TRHDE: variants seen among roughly 807,000 people sequenced by gnomAD.
TRHDE encodes the protein thyrotropin-releasing hormone-degrading ectoenzyme.
TRHDE carries 72 observed loss-of-function variants against 125.7 expected under a neutral mutation model. The observed-to-expected ratio is 0.57, with a 90% CI of 0.47 to 0.70. TRHDE has a LOEUF of 0.70. Ranked by LOEUF, TRHDE falls within the 30% of genes least tolerant of loss-of-function variation. The pLI is 0.00. For missense variants in TRHDE, 1,110 were observed against 1,327.1 expected (o/e 0.84, Z 2.54); for synonymous variants, 509 against 509.1 (o/e 1.00, Z 0.00).
intron 5 of TRHDE, among the ~76,000 whole-genome samples, chr12:72,485,613 T>C (rs940803036): frequency 9.2e-5 from 14 of 152,044 alleles, no homozygotes; most frequent in African/African-American, 3.1e-4. Flanking sequence ...CAGCATCCTG[T>C]CCCTGGGGAG....
chr12:72,313,873 G>C (rs7962187), intron 2 of TRHDE, among the ~76,000 whole-genome samples: 24 of 152,130 alleles, frequency 1.6e-4, no homozygotes, highest in Admixed American at 9.2e-4. Context: ...AACAAAGATT[G>C]GGCAAGTTTC....
intron 3 of TRHDE, among the ~76,000 whole-genome samples, chr12:72,447,512 A>G (rs1875354188): frequency 6.6e-6 from 1 of 152,092 alleles, no homozygotes. Context: ...GTAAGGTTCT[A>G]GACCAGTGGT....
chr12:72,417,532 T>C (rs1422761746), intron 3 of TRHDE, among the ~76,000 whole-genome samples: 1 of 151,994 alleles, frequency 6.6e-6, no homozygotes, highest in Non-Finnish European at 1.5e-5. Context: ...AAGTATAATA[T>C]TGGTAATTTT....
rs1875208417 is a variant in TRHDE, at chr12:72,669,890, T to G, written c.*6695T>G. The G allele has an allele frequency of 6.6e-6, 1 of 151,766 alleles. No homozygotes were observed. Among genetic ancestry groups the G allele is most frequent in the Non-Finnish European group, 1.5e-5 (1 of 67,808 alleles). 9.4% of individuals were successfully genotyped at this position (151,766 alleles called of 1,614,324 possible). A position where few individuals can be genotyped will look rare whatever the true frequency, so the allele number is the denominator to read the frequency against. On this transcript the variant is annotated 3_prime_UTR_variant, in exon 19 of 19. Coordinates refer to ENST00000261180, the MANE Select transcript of TRHDE (RefSeq NM_013381.3). ...ATTGCTATCTTTTAATCCCTTTGCA[T>G]TTTGATAATATCGAAAACAGATTAG... is the stretch of plus-strand genomic sequence containing the variant.
intron 2 of TRHDE, among the ~76,000 whole-genome samples, chr12:72,360,624 A>G (rs1197991918): frequency 6.6e-6 from 1 of 151,770 alleles, no homozygotes; most frequent in Non-Finnish European, 1.5e-5. Flanking sequence ...TGTACTGGTA[A>G]GATGTAAATT....
intron 5 of TRHDE, among the ~76,000 whole-genome samples, chr12:72,485,392 G>T (rs775092055): frequency 2.6e-5 from 4 of 152,098 alleles, no homozygotes; most frequent in Non-Finnish European, 4.4e-5. Context: ...TTACCTCCTA[G>T]AGGCAAGCTA....
chr12:72,221,323 T>C (rs1208721999), intron 2 of TRHDE, among the ~76,000 whole-genome samples: 2 of 151,950 alleles, frequency 1.3e-5, no homozygotes, highest in Non-Finnish European at 2.9e-5. Context: ...AACTCAAGAG[T>C]TATTGAATAT....
At chr12:72,601,659 T>G (rs904004842) in intron 12 of TRHDE, among the ~76,000 whole-genome samples, 1 of 152,116 alleles carries the variant, frequency 6.6e-6, no homozygotes, top group African/African-American at 2.4e-5. Flanking sequence ...CAATCACCAC[T>G]ATTATTCAGC....
chr12:72,592,068 A>AT (rs961232513), intron 12 of TRHDE, among the ~76,000 whole-genome samples: 3 of 151,580 alleles, frequency 2.0e-5, no homozygotes, highest in African/African-American at 4.9e-5. Context: ...TTGGTCAAAT[A>AT]TTTTTTTCTT....
intron 7 of TRHDE, among the ~76,000 whole-genome samples, chr12:72,546,596 A>G (rs1423917289): frequency 6.6e-6 from 1 of 151,606 alleles, no homozygotes; most frequent in Non-Finnish European, 1.5e-5. Flanking sequence ...AAACAATTGT[A>G]GATAACCATC....
At chr12:72,300,444 AT>A (rs1880463869) in intron 2 of TRHDE, among the ~76,000 whole-genome samples, 1 of 151,186 alleles carries the variant, frequency 6.6e-6, no homozygotes, top group Admixed American at 6.6e-5. Context: ...ATGTGTGTGT[AT>A]TTTTTATATA....
chr12:72,479,394 C>T (rs960874719), intron 5 of TRHDE, among the ~76,000 whole-genome samples: 45 of 151,976 alleles, frequency 3.0e-4, no homozygotes, highest in African/African-American at 9.9e-4. Context: ...AAATCTGTTT[C>T]TTTCATTGCT....
At chr12:72,513,951 A>G (rs1878715675) in intron 6 of TRHDE, among the ~76,000 whole-genome samples, 1 of 152,190 alleles carries the variant, frequency 6.6e-6, no homozygotes, top group Admixed American at 6.6e-5. Flanking sequence ...AAACTTTGGC[A>G]GCAAGTAAAA....
chr12:72,530,389 C>T (rs1868481616), intron 6 of TRHDE, among the ~76,000 whole-genome samples: 1 of 126,534 alleles, frequency 7.9e-6, no homozygotes, highest in Non-Finnish European at 1.7e-5. Flanking sequence ...ACGTTTGAAA[C>T]ACTTTCTTCA....
intron 1 of TRHDE, among the ~76,000 whole-genome samples, chr12:72,098,718 G>C (rs1050426244): frequency 3.9e-5 from 6 of 152,150 alleles, no homozygotes; most frequent in African/African-American, 1.4e-4. Flanking sequence ...AGACCATGTG[G>C]AGAACCCAGC....
intron 3 of TRHDE, among the ~76,000 whole-genome samples, chr12:72,398,289 A>T (rs1300622728): frequency 1.3e-5 from 2 of 152,092 alleles, no homozygotes; most frequent in Non-Finnish European, 1.5e-5. Flanking sequence ...TGCTGCAATA[A>T]ACATACGTGT....
intron 2 of TRHDE, among the ~76,000 whole-genome samples, chr12:72,374,390 G>A (rs1871779100): frequency 6.6e-6 from 1 of 150,862 alleles, no homozygotes; most frequent in Non-Finnish European, 1.5e-5. Context: ...AGATCTCCAA[G>A]TAGAAATGTC....
intron 2 of TRHDE, among the ~76,000 whole-genome samples, chr12:72,219,404 A>G (rs1336342963): frequency 6.6e-6 from 1 of 152,160 alleles, no homozygotes; most frequent in Non-Finnish European, 1.5e-5. Context: ...TGAAACCCAA[A>G]TTGTAGTAAT....
intron 5 of TRHDE, among the ~76,000 whole-genome samples, chr12:72,474,490 C>T (rs1876798698): frequency 6.6e-6 from 1 of 152,046 alleles, no homozygotes; most frequent in Non-Finnish European, 1.5e-5. Context: ...GTGAATTTGA[C>T]TATTTTAGAT....
Sources: gnomAD v4.1 joint callset for allele counts (sites outside exome capture counted in the v4.1 genomes callset) on GRCh38, gnomAD v4.1.1 for gene constraint, MANE v1.5 for transcripts, NCBI Gene and HGNC (gene_info 2026-07-23, HGNC 2026-07-21) for gene names.